The following DCLRE1A variants were observed in gnomAD, a reference collection of about 807,000 sequenced individuals.
The protein encoded by DCLRE1A is DNA cross-link repair 1A.
Under a neutral mutation model 91.9 loss-of-function variants are expected in DCLRE1A, and 64 were observed. The ratio of observed to expected loss-of-function variants is 0.70; its 90% CI spans 0.57 to 0.86. The LOEUF (loss-of-function observed/expected upper bound fraction) is 0.86. Ranked by LOEUF, DCLRE1A falls within the 40% of genes least tolerant of loss-of-function variation. The pLI is 0.00. For synonymous variants in DCLRE1A, 416 were observed against 431.1 expected, an observed-to-expected ratio of 0.96 and a Z score of 0.43; for missense variants, 1,145 against 1,213.3, an observed-to-expected ratio of 0.94 and a Z score of 0.84.
At position 113,853,191 on chromosome 10, in the gene DCLRE1A, G is replaced by C; in HGVS notation, c.-9C>G. 1.3e-6 allele frequency: 2 copies of C among 1,527,150 alleles called. No homozygotes were observed. The highest frequency in any genetic ancestry group is 1.7e-6 in the Non-Finnish European group (2 of 1,146,712). 94.6% of individuals were successfully genotyped at this position (1,527,150 alleles called of 1,614,324 possible). A position where few individuals can be genotyped will look rare whatever the true frequency, so the allele number is the denominator to read the frequency against. On this transcript the variant is annotated 5_prime_UTR_variant, in exon 1 of 9. It adds an upstream start codon to the 5' untranslated region. Coordinates refer to ENST00000361384, the MANE Select transcript of DCLRE1A (RefSeq NM_014881.5). ...GAAATGTCTTCTAACATGGCAAAAT[G>C]ATTTTATCATTCAAGAAGTATTAAT...
At chr10:113,845,866 A>C in intron 3 of DCLRE1A, 63 bp from the exon 4 acceptor site, 1 of 1,299,100 alleles carries the variant, frequency 7.7e-7, no homozygotes. Flanking sequence ...TTTCATATCT[A>C]GTTTAGAACC....
In DCLRE1A at chr10:113,845,678, T is replaced by C. The variant is rs756584486; in HGVS notation, c.2378+7A>G. ...AAATGTGCTATTAAGATGACTTTAA[T>C]ACTTACTGATTGGCATCAAGCAAAA... is the stretch of plus-strand genomic sequence containing the variant. On this transcript the variant is annotated splice_region_variant and intron_variant, in intron 4 of 8. Transcript: ENST00000361384. 11 of 1,608,638 alleles carry C rather than the reference T, an allele frequency of 6.8e-6. No homozygotes were observed. The highest frequency in any genetic ancestry group is 1.3e-5 in the African/African-American group (1 of 74,838).
In DCLRE1A at chr10:113,837,030, A is replaced by C. The variant is rs754427840; in HGVS notation, c.2962+32T>G. The C allele has an allele frequency of 2.6e-6, 4 of 1,528,686 alleles. No individual in the cohort carries two copies. The African/African-American group carries it at 5.6e-5, about 21-fold the overall frequency. 94.7% of individuals were successfully genotyped at this position (1,528,686 alleles called of 1,614,324 possible). A position where few individuals can be genotyped will look rare whatever the true frequency, so the allele number is the denominator to read the frequency against. On this transcript the variant is annotated intron_variant, in intron 8 of 8. Coordinates refer to ENST00000361384, the MANE Select transcript of DCLRE1A (RefSeq NM_014881.5). ...TAAAATGTAATTATAAACATTATAAACACTAAAAGTGAGAAAATTTAATAA... is the reference window on the plus strand; with the variant it reads ...TAAAATGTAATTATAAACATTATAACCACTAAAAGTGAGAAAATTTAATAA...
In DCLRE1A at chr10:113,849,788, T is replaced by C. The variant is rs1200421782; in HGVS notation, c.1317A>G (p.Gln439=). 11 of 1,614,192 alleles carry C rather than the reference T, an allele frequency of 6.8e-6. No individual in the cohort carries two copies. The highest frequency in any genetic ancestry group is 1.1e-5 in the South Asian group (1 of 91,086). Residue 439 remains glutamine, a synonymous_variant, in exon 2 of 9, where the codon CAA becomes CAG. Transcript: ENST00000361384. ...KPDEPEFHSA[Q]SNKQKQVIEE... is the part of the protein sequence containing the mutation. ...CAATTACCTGTTTCTGTTTATTTGA[T>C]TGAGCTGAGTGAAATTCTGGCTCAT... is the stretch of plus-strand genomic sequence containing the variant.
In DCLRE1A at chr10:113,844,195, T is replaced by C. The variant is rs368097702; in HGVS notation, c.2428A>G (p.Ile810Val). Residue 810 changes from isoleucine (I) to valine (V), a missense_variant, in exon 5 of 9, where the codon ATA (isoleucine) becomes GTA (valine). Transcript: ENST00000361384. ...GCTCTGAAGTCTCCCGTGTGTAATA[T>C]GACAGTACCATTAGGAAGATAAAAG... Reference protein sequence around the residue: ...ILFYLPNGTVILHTGDFRADP... With the variant: ...ILFYLPNGTVVLHTGDFRADP... 3 of 1,614,128 alleles carry C rather than the reference T, an allele frequency of 1.9e-6. No homozygotes were observed. Among genetic ancestry groups the C allele is most frequent in the South Asian group, 2.2e-5 (2 of 91,080 alleles).
chr10:113,841,052 C>A (rs1322598390), intron 7 of DCLRE1A, among the ~76,000 whole-genome samples: 1 of 152,154 alleles, frequency 6.6e-6, no homozygotes, highest in Non-Finnish European at 1.5e-5. Context: ...CTGAAGTAAA[C>A]TAAGAACTTC....
At position 113,841,461 on chromosome 10, in the gene DCLRE1A, G is replaced by T; in HGVS notation, c.2765C>A (p.Thr922Asn). The change falls in exon 7 of 9, where the codon ACC becomes AAC. Residue 922 changes from threonine (T) to asparagine (N), a missense_variant. Transcript: ENST00000361384. ...GTGAACCAATGAACTGCACATGTCGGTAGTGATGAGTGAATTAATTTCTGG... is the reference window on the plus strand; with the variant it reads ...GTGAACCAATGAACTGCACATGTCGTTAGTGATGAGTGAATTAATTTCTGG... ...NIPEINSLITTDMCSSLVHLL... is the reference protein window; with the variant it reads ...NIPEINSLITNDMCSSLVHLL... 1 of 1,613,572 alleles carries T rather than the reference G, an allele frequency of 6.2e-7. No homozygotes were observed. Among genetic ancestry groups the T allele is most frequent in the Middle Eastern group, 1.7e-4 (1 of 6,058 alleles).
At chr10:113,845,545 T>C in intron 4 of DCLRE1A, 140 bp downstream of exon 4, 1 of 668,108 alleles carries the variant, frequency 1.5e-6, no homozygotes, top group Admixed American at 3.0e-5. Flanking sequence ...CACATTATTT[T>C]TCAAAAGGAG....
chr10:113,843,023 T>TACACAC (rs10527278), intron 5 of DCLRE1A, among the ~76,000 whole-genome samples: 2 of 145,886 alleles, frequency 1.4e-5, no homozygotes, highest in African/African-American at 2.5e-5. Context: ...TGTACATGTG[T>TACACAC]ACACACACAC....
Position 113,842,457 on chromosome 10 carries a change from G to T in DCLRE1A, c.2551C>A (p.Gln851Lys). 1 of 1,613,860 alleles carries T rather than the reference G, an allele frequency of 6.2e-7. No homozygotes were observed. The highest frequency in any genetic ancestry group is 2.2e-5 in the East Asian group (1 of 44,850). Residue 851 changes from glutamine to lysine, a missense_variant, in exon 6 of 9, where the codon CAG (glutamine) becomes AAG (lysine). Transcript: ENST00000361384. ...YCSPEYTFPS[Q>K]QEVIRFAINT... ...ATGGCAAACCGGATAACCTCTTGCT[G>T]AGATGGAAAGGTGTATTCTGGGCTA...
In DCLRE1A at chr10:113,835,345, A is replaced by G. The variant is rs529747783; in HGVS notation, c.2963-33T>C. 7 of 1,533,718 alleles carry G rather than the reference A, an allele frequency of 4.6e-6. No homozygotes were observed. In the African/African-American group the frequency reaches 7.0e-5, roughly 15 times the overall value. Reference sequence around the variant, plus strand: ...AAAAAATAAACGAATTTGTACACTAAAATCAAACTAATTTAAACTTTCACA... The same window carrying G: ...AAAAAATAAACGAATTTGTACACTAGAATCAAACTAATTTAAACTTTCACA... On this transcript the variant is annotated intron_variant, in intron 8 of 8. Coordinates refer to ENST00000361384, the MANE Select transcript of DCLRE1A (RefSeq NM_014881.5).
At chr10:113,837,957 A>G (rs927289994) in intron 7 of DCLRE1A, among the ~76,000 whole-genome samples, 2 of 152,174 alleles carry the variant, frequency 1.3e-5, no homozygotes, top group African/African-American at 4.8e-5. Flanking sequence ...TTTTGGTCTG[A>G]GGACTAAAAT....
chr10:113,850,091 A>G lies in DCLRE1A; in HGVS notation c.1014T>C (p.Asp338=). 6.2e-7 allele frequency: 1 copy of G among 1,613,978 alleles called. No individual in the cohort carries two copies. The part of the protein sequence containing the change: ...SSKDGSLEED[D]DSCGFFKKRH... ...GTTTTTTAAAAAAACCACAGCTGTC[A>G]TCATCTTCTTCGAGGCTGCCATCTT... The change falls in exon 2 of 9, where the codon GAT becomes GAC. Residue 338 remains aspartate, a synonymous_variant. Coordinates refer to ENST00000361384, the MANE Select transcript of DCLRE1A (RefSeq NM_014881.5).
At chr10:113,840,496 A>C (rs890133313) in intron 7 of DCLRE1A, among the ~76,000 whole-genome samples, 1 of 152,100 alleles carries the variant, frequency 6.6e-6, no homozygotes. Flanking sequence ...GATGCGCTTC[A>C]TTACCTATTT....
Position 113,841,548 on chromosome 10 carries a change from A to G in DCLRE1A, c.2678T>C (p.Val893Ala). The G allele has an allele frequency of 6.2e-7, 1 of 1,608,104 alleles. No individual in the cohort carries two copies. The highest frequency in any genetic ancestry group is 8.5e-7 in the Non-Finnish European group (1 of 1,178,066). Residue 893 changes from valine (V) to alanine (A), a missense_variant, in exon 7 of 9, where the codon GTT becomes GCT. Transcript: ENST00000361384. ...KEKVFLAIADVLGSKVGMSQE... is the reference protein window; with the variant it reads ...KEKVFLAIADALGSKVGMSQE... The stretch of plus-strand genomic sequence containing the variant: ...GGACATGCCCACTTTTGAACCTAAA[A>G]CATCAGCAATGGCTATGGGCAAAAG...
Position 113,849,148 on chromosome 10 carries a change from ATCTCT to A in DCLRE1A, c.1952_1956del (p.Lys651IlefsTer6). On this transcript the variant is annotated frameshift_variant, in exon 2 of 9. Coordinates refer to ENST00000361384, the MANE Select transcript of DCLRE1A (RefSeq NM_014881.5). LOFTEE classifies it high-confidence loss of function. ...GATTCTGTATTAATAAGGTGATCTG[ATCTCT>A]TCTGACACGCTCCTTCCTGCAGTGA... 1 of 1,614,008 alleles carries A rather than the reference ATCTCT, an allele frequency of 6.2e-7. No individual in the cohort carries two copies. Among genetic ancestry groups the A allele is most frequent in the Non-Finnish European group, 8.5e-7 (1 of 1,180,000 alleles).
At chr10:113,843,085 A>G (rs1480053159) in intron 5 of DCLRE1A, among the ~76,000 whole-genome samples, 1 of 151,726 alleles carries the variant, frequency 6.6e-6, no homozygotes, top group African/African-American at 2.4e-5. Flanking sequence ...TGCAAATACA[A>G]CAGATCCAGT....
chr10:113,840,803 G>T (rs1355316950), intron 7 of DCLRE1A, among the ~76,000 whole-genome samples: 2 of 152,078 alleles, frequency 1.3e-5, no homozygotes, highest in East Asian at 3.9e-4. Flanking sequence ...GTATTCAATT[G>T]CCAGGTGTCA....
chr10:113,854,219 A>G (rs1845711109), upstream of DCLRE1A: 1 of 152,242 alleles, frequency 6.6e-6, no homozygotes, highest in Non-Finnish European at 1.5e-5. Flanking sequence ...CCCCATCTAA[A>G]AATGTGTTCG....
Sources: gnomAD v4.1 joint callset for allele counts (sites outside exome capture counted in the v4.1 genomes callset) on GRCh38, gnomAD v4.1.1 for gene constraint, MANE v1.5 for transcripts, NCBI Gene and HGNC (gene_info 2026-07-23, HGNC 2026-07-21) for gene names.